WAC: variants seen among roughly 807,000 people sequenced by gnomAD.
WAC encodes the protein WW domain containing adaptor with coiled-coil, also known as WW domain-containing adapter protein with coiled-coil.
In WAC, 11 loss-of-function variants were observed where a neutral mutation model predicts 79.6. The ratio of observed to expected loss-of-function variants is 0.14; its 90% CI spans 0.09 to 0.23. The LOEUF (loss-of-function observed/expected upper bound fraction) is 0.23. Ranked by LOEUF, WAC falls within the 10% of genes least tolerant of loss-of-function variation. The probability of loss-of-function intolerance (pLI) is 1.00; values close to 1 mark genes in which losing one functional copy is unlikely to be tolerated. For synonymous variants in WAC, 304 were observed against 276.9 expected, an observed-to-expected ratio of 1.10 and a Z score of -0.97; for missense variants, 728 against 773.5, an observed-to-expected ratio of 0.94 and a Z score of 0.70.
chr10:28,565,910 A>G (rs1171162492), intron 3 of WAC, among the ~76,000 whole-genome samples: 1 of 152,062 alleles, frequency 6.6e-6, no homozygotes, highest in Non-Finnish European at 1.5e-5. Flanking sequence ...TTTTGCTGCC[A>G]CTCTGTATTT....
At chr10:28,585,035 T>TG (rs1265626248) in intron 4 of WAC, among the ~76,000 whole-genome samples, 5 of 152,090 alleles carry the variant, frequency 3.3e-5, no homozygotes, top group Non-Finnish European at 5.9e-5. Context: ...CCCATTGCAT[T>TG]CCAGCCTGGG....
chr10:28,582,063 A>T (rs1344747375), intron 3 of WAC, among the ~76,000 whole-genome samples: 2 of 152,214 alleles, frequency 1.3e-5, no homozygotes, highest in African/African-American at 4.8e-5. Context: ...GTACTTAGGT[A>T]ATTCTCTTTG....
chr10:28,610,860 T>C (rs773626068), intron 9 of WAC, 39 bp downstream of exon 9: 4 of 1,528,408 alleles, frequency 2.6e-6, no homozygotes, highest in Non-Finnish European at 2.6e-6. Flanking sequence ...GAATGGCATC[T>C]TGATTTTGTT....
chr10:28,597,641 T>G (rs1353539996), intron 7 of WAC, among the ~76,000 whole-genome samples: 1 of 152,204 alleles, frequency 6.6e-6, no homozygotes, highest in Non-Finnish European at 1.5e-5. Context: ...AAGTCTTTAG[T>G]TCTAGTTCAG....
intron 10 of WAC, 32 bp from the exon 11 acceptor site, chr10:28,614,535 G>C: frequency 1.3e-6 from 2 of 1,542,714 alleles, no homozygotes; most frequent in Non-Finnish European, 1.8e-6. Flanking sequence ...GATTAGATTT[G>C]GAGACCATCT....
intron 7 of WAC, among the ~76,000 whole-genome samples, chr10:28,597,384 A>G (rs1171390889): frequency 6.6e-6 from 1 of 152,180 alleles, no homozygotes; most frequent in Non-Finnish European, 1.5e-5. Context: ...TACTTTAACA[A>G]TCCTTGTCAG....
intron 6 of WAC, among the ~76,000 whole-genome samples, chr10:28,592,834 A>C (rs368630275): frequency 6.6e-6 from 1 of 152,196 alleles, no homozygotes; most frequent in African/African-American, 2.4e-5. Flanking sequence ...TATTTGAAAA[A>C]TGGGATTCTG....
At chr10:28,534,914 A>G (rs1437856576) in intron 2 of WAC, among the ~76,000 whole-genome samples, 1 of 152,228 alleles carries the variant, frequency 6.6e-6, no homozygotes, top group East Asian at 1.9e-4. Flanking sequence ...AGATTAGTAC[A>G]TCATGATTGT....
At chr10:28,582,955 A>G (rs1384457382) in intron 3 of WAC, among the ~76,000 whole-genome samples, 2 of 152,174 alleles carry the variant, frequency 1.3e-5, no homozygotes, top group Admixed American at 6.5e-5. Flanking sequence ...ATTAAAAGGC[A>G]AATAGGGGAA....
At chr10:28,542,395 A>G (rs1433186200) in intron 3 of WAC, among the ~76,000 whole-genome samples, 1 of 152,330 alleles carries the variant, frequency 6.6e-6, no homozygotes, top group South Asian at 2.1e-4. Flanking sequence ...CACCAGACCA[A>G]TTTATGGGGA....
intron 3 of WAC, among the ~76,000 whole-genome samples, chr10:28,557,316 A>G (rs1403419305): frequency 6.6e-6 from 1 of 152,204 alleles, no homozygotes; most frequent in Non-Finnish European, 1.5e-5. Context: ...ATAATATTAT[A>G]AAACTGTCAA....
chr10:28,611,487 G>A, intron 9 of WAC: 2 of 1,369,842 alleles, frequency 1.5e-6, no homozygotes, highest in Non-Finnish European at 9.6e-7. Flanking sequence ...GGATGGTGAG[G>A]AGGCCTTCCA....
At chr10:28,593,393 T>C (rs1840195817) in intron 6 of WAC, among the ~76,000 whole-genome samples, 1 of 152,150 alleles carries the variant, frequency 6.6e-6, no homozygotes, top group African/African-American at 2.4e-5. Flanking sequence ...GATTTTTACA[T>C]GTAAAGAGAT....
chr10:28,535,829 A>ATT (rs1836629513), intron 3 of WAC, 72 bp downstream of exon 3: 1 of 1,300,328 alleles, frequency 7.7e-7, no homozygotes, highest in African/African-American at 1.5e-5. Context: ...CGGCAGTAGT[A>ATT]TTTCTAGCTT....
At position 28,535,739 on chromosome 10, in the gene WAC, G is replaced by A. The variant is rs1442110419; in HGVS notation, c.256G>A (p.Val86Ile). Residue 86 changes from valine to isoleucine, a missense_variant, in exon 3 of 14, where the codon GTT (valine) becomes ATT (isoleucine). Val to Ile is a conservative substitution (Grantham distance 29). Transcript: ENST00000354911. The stretch of plus-strand genomic sequence containing the variant: ...GGCCAAAAATGTGCATACTCACAGA[G>A]TTAGAGAGAGGGATGGTGGTGAGTA... ...SKAKNVHTHR[V>I]RERDGGTSYS... 3 of 1,611,450 alleles carry A rather than the reference G, an allele frequency of 1.9e-6. No individual in the cohort carries two copies. Among genetic ancestry groups the A allele is most frequent in the South Asian group, 2.2e-5 (2 of 90,804 alleles).
intron 3 of WAC, among the ~76,000 whole-genome samples, chr10:28,575,720 A>C (rs1839205781): frequency 6.6e-6 from 1 of 152,192 alleles, no homozygotes; most frequent in Non-Finnish European, 1.5e-5. Flanking sequence ...GAATTAGGTA[A>C]AAGTCTTACC....
chr10:28,598,734 C>G (rs574250148), intron 7 of WAC, among the ~76,000 whole-genome samples: 2 of 152,312 alleles, frequency 1.3e-5, no homozygotes, highest in South Asian at 4.1e-4. Flanking sequence ...AAAGACATAA[C>G]ATACAGCACA....
At chr10:28,535,171 A>G (rs1053914775) in intron 2 of WAC, 3 of 145,480 alleles carry the variant, frequency 2.1e-5, no homozygotes, top group African/African-American at 7.7e-5. Context: ...GCTTATTTAT[A>G]CATGTGTTTG....
intron 3 of WAC, among the ~76,000 whole-genome samples, chr10:28,549,072 C>T (rs1020463236): frequency 2.0e-5 from 3 of 152,086 alleles, no homozygotes; most frequent in Non-Finnish European, 4.4e-5. Flanking sequence ...CTAATTTTTG[C>T]ATTTTTTATA....
Sources: gnomAD v4.1 joint callset for allele counts (sites outside exome capture counted in the v4.1 genomes callset) on GRCh38, gnomAD v4.1.1 for gene constraint, MANE v1.5 for transcripts, NCBI Gene and HGNC (gene_info 2026-07-23, HGNC 2026-07-21) for gene names.